Variants in TTLL7 observed in about 807,000 individuals in gnomAD.
TTLL7 encodes tubulin polyglutamylase TTLL7.
A neutral mutation model predicts 120.2 loss-of-function variants in TTLL7; 53 were observed. That is an observed-to-expected ratio of 0.44 (90% CI 0.35 to 0.55). TTLL7 has a LOEUF of 0.55. Ranked by LOEUF, TTLL7 falls within the 20% of genes least tolerant of loss-of-function variation. The probability of loss-of-function intolerance (pLI) is 0.00; values close to 1 mark genes in which losing one functional copy is unlikely to be tolerated. For synonymous variants in TTLL7, 353 were observed against 351.7 expected (o/e 1.00, Z -0.04); for missense variants, 803 against 1,054.7 (o/e 0.76, Z 3.31).
intron 14 of TTLL7, among the ~76,000 whole-genome samples, chr1:83,914,110 T>A (rs762634935): frequency 1.3e-5 from 2 of 152,086 alleles, no homozygotes; most frequent in African/African-American, 2.4e-5. Context: ...ATAGAGCACA[T>A]AATTCAGAAC....
At chr1:83,887,653 G>A (rs1655074849) in intron 19 of TTLL7, among the ~76,000 whole-genome samples, 1 of 152,072 alleles carries the variant, frequency 6.6e-6, no homozygotes, top group Admixed American at 6.6e-5. Context: ...CTAATGCTAT[G>A]GACTTGCAGT....
chr1:83,886,625 T>A (rs1654997152), intron 19 of TTLL7, among the ~76,000 whole-genome samples: 1 of 152,052 alleles, frequency 6.6e-6, no homozygotes, highest in South Asian at 2.1e-4. Context: ...AGCTTTTACA[T>A]GACAAACCCC....
At chr1:83,959,604 T>C (rs1346896672) in intron 1 of TTLL7, among the ~76,000 whole-genome samples, 1 of 152,160 alleles carries the variant, frequency 6.6e-6, no homozygotes, top group Admixed American at 6.6e-5. Context: ...CCAAACCAGC[T>C]ACCGATGCTC....
chr1:83,895,094 A>C (rs977618556), intron 18 of TTLL7, among the ~76,000 whole-genome samples: 1 of 152,058 alleles, frequency 6.6e-6, no homozygotes, highest in African/African-American at 2.4e-5. Flanking sequence ...TTTACCTGCC[A>C]CTGAACTATT....
intron 1 of TTLL7, among the ~76,000 whole-genome samples, chr1:83,971,390 T>C (rs1430670311): frequency 6.6e-6 from 1 of 152,068 alleles, no homozygotes; most frequent in Non-Finnish European, 1.5e-5. Flanking sequence ...TTAAAATCTG[T>C]TTGGTGGATG....
At position 83,865,908 on chromosome 1, in the gene TTLL7, T is replaced by C. The variant is rs1001145033; in HGVS notation, c.*4054A>G. ...AGAATAGGCAGTGTAAGTAACAAAA[T>C]TGTCATCATGAATATATTTCTAAAT... On this transcript the variant is annotated 3_prime_UTR_variant, in exon 21 of 21. Coordinates refer to ENST00000260505, the MANE Select transcript of TTLL7 (RefSeq NM_024686.6). 20 of 151,932 alleles carry C rather than the reference T, an allele frequency of 1.3e-4. 1 individual carries two copies. Among genetic ancestry groups the C allele is most frequent in the African/African-American group, 4.6e-4 (19 of 41,436 alleles). 9.4% of individuals were successfully genotyped at this position (151,932 alleles called of 1,614,324 possible). A position where few individuals can be genotyped will look rare whatever the true frequency, so the allele number is the denominator to read the frequency against.
In TTLL7 at chr1:83,904,113, C is replaced by T. The variant is rs755371994; in HGVS notation, c.2174G>A (p.Trp725Ter). 1.9e-6 allele frequency: 3 copies of T among 1,612,010 alleles called. No individual in the cohort carries two copies. The highest frequency in any genetic ancestry group is 2.5e-6 in the Non-Finnish European group (3 of 1,178,950). ...TTTTACAGAGTCCAATTTTATGAGCCAATATGAAGCCACTTTGGTTTTATG... is the reference window on the plus strand; with the variant it reads ...TTTTACAGAGTCCAATTTTATGAGCTAATATGAAGCCACTTTGGTTTTATG... ...KYHKTKVASY[W>*]LIKLDSVKQR... Residue 725 changes from tryptophan to a stop codon, truncating the protein, a stop_gained, in exon 18 of 21, where the codon TGG becomes TAG. Coordinates refer to ENST00000260505, the MANE Select transcript of TTLL7 (RefSeq NM_024686.6). LOFTEE classifies it high-confidence loss of function.
At chr1:83,922,203 G>T (rs887023505) in intron 10 of TTLL7, among the ~76,000 whole-genome samples, 1 of 151,966 alleles carries the variant, frequency 6.6e-6, no homozygotes, top group African/African-American at 2.4e-5. Context: ...ACCTTTAGAA[G>T]AAACAAACAA....
intron 1 of TTLL7, among the ~76,000 whole-genome samples, chr1:83,972,499 C>T (rs1437727818): frequency 9.9e-5 from 15 of 152,074 alleles, no homozygotes; most frequent in Admixed American, 6.6e-4. Context: ...CATCTGCTGA[C>T]GTACATCTTG....
chr1:83,893,405 AAATACT>A (rs1655950576), intron 18 of TTLL7, among the ~76,000 whole-genome samples: 1 of 152,084 alleles, frequency 6.6e-6, no homozygotes. Context: ...AATGAACACC[AAATACT>A]AATATTCTGA....
intron 1 of TTLL7, among the ~76,000 whole-genome samples, chr1:83,961,538 C>G (rs1650018852): frequency 6.6e-6 from 1 of 152,004 alleles, no homozygotes; most frequent in Non-Finnish European, 1.5e-5. Flanking sequence ...AAGGCATTTT[C>G]TCTTATTAAT....
chr1:83,905,277 A>G (rs1657084765), intron 17 of TTLL7, among the ~76,000 whole-genome samples: 2 of 152,010 alleles, frequency 1.3e-5, no homozygotes, highest in South Asian at 4.1e-4. Flanking sequence ...TTAAAAATAT[A>G]TATAACAACA....
intron 2 of TTLL7, 39 bp from the exon 3 acceptor site, chr1:83,952,015 CA>C (rs1440380928): frequency 6.3e-7 from 1 of 1,585,676 alleles, no homozygotes; most frequent in African/African-American, 1.4e-5. Context: ...ACACTGAAAA[CA>C]AAAATCTATA....
At chr1:83,988,801 C>T (rs1436363038) in intron 1 of TTLL7, among the ~76,000 whole-genome samples, 2 of 151,986 alleles carry the variant, frequency 1.3e-5, no homozygotes, top group Non-Finnish European at 1.5e-5. Flanking sequence ...CTCCGTCTCC[C>T]GGATTCAAGC....
rs762523134 is a variant in TTLL7, at chr1:83,911,159, A to G, written c.1786+6T>C. 1.9e-6 allele frequency: 3 copies of G among 1,597,782 alleles called. No homozygotes were observed. Among genetic ancestry groups the G allele is most frequent in the Non-Finnish European group, 1.7e-6 (2 of 1,167,648 alleles). ...ATAACATCTAAATTAGAAGAAATTG[A>G]CTTACTGGGTTGTTGAATTAATTTG... On this transcript the variant is annotated splice_donor_region_variant and intron_variant, in intron 15 of 20. Transcript: ENST00000260505.
intron 1 of TTLL7, among the ~76,000 whole-genome samples, chr1:83,959,141 G>GT (rs1173749400): frequency 6.6e-6 from 1 of 152,226 alleles, no homozygotes; most frequent in African/African-American, 2.4e-5. Context: ...TTGAGCATCA[G>GT]TATCATCTGC....
chr1:83,985,786 T>C (rs1464824216), intron 1 of TTLL7, among the ~76,000 whole-genome samples: 3 of 152,112 alleles, frequency 2.0e-5, no homozygotes, highest in Non-Finnish European at 2.9e-5. Context: ...TGAATAACTT[T>C]ACTGTTATGA....
chr1:83,921,015 G>T, intron 12 of TTLL7, 72 bp downstream of exon 12: 1 of 1,468,638 alleles, frequency 6.8e-7, no homozygotes, highest in Non-Finnish European at 9.3e-7. Flanking sequence ...AAGCACACAA[G>T]ATTAAAACAT....
intron 14 of TTLL7, among the ~76,000 whole-genome samples, chr1:83,914,028 C>T (rs1465144362): frequency 6.6e-6 from 1 of 152,150 alleles, no homozygotes; most frequent in African/African-American, 2.4e-5. Flanking sequence ...TGCAAGTATT[C>T]ACTTTTACAG....
Sources: gnomAD v4.1 joint callset for allele counts (sites outside exome capture counted in the v4.1 genomes callset) on GRCh38, gnomAD v4.1.1 for gene constraint, MANE v1.5 for transcripts, NCBI Gene and HGNC (gene_info 2026-07-23, HGNC 2026-07-21) for gene names.